Variants in MTAP observed in about 807,000 individuals in gnomAD.
MTAP encodes S-methyl-5'-thioadenosine phosphorylase.
In MTAP, 33 loss-of-function variants were observed where a neutral mutation model predicts 33.6. The ratio of observed to expected loss-of-function variants is 0.98; its 90% CI spans 0.74 to 1.31. MTAP has a LOEUF of 1.31. MTAP is among the 40% of genes most tolerant of loss of function. The pLI is 0.00. For synonymous variants in MTAP, 148 were observed against 125.7 expected (o/e 1.18, Z -1.19); for missense variants, 367 against 360.0 (o/e 1.02, Z -0.16).
Position 21,808,605 on chromosome 9 carries a change from A to C in MTAP, c.33+5824A>C, listed in dbSNP as rs533536210. On this transcript the variant is annotated intron_variant, in intron 1 of 7. Transcript: ENST00000644715. ...AGACTCTGTTTCCAAAAAAAAAAAA[A>C]ACACACACACACACACACAAACGTA... Among the ~76,000 whole-genome samples, 34 of 146,944 alleles carry C rather than the reference A, an allele frequency of 2.3e-4. No individual in the cohort carries two copies. The South Asian group carries it at 3.8e-3, about 17-fold the overall frequency.
chr9:21,866,637 A>G lies in MTAP; in HGVS notation c.*4623A>G, dbSNP rs1825858214. On this transcript the variant is annotated 3_prime_UTR_variant, in exon 8 of 8. Coordinates refer to ENST00000644715, the MANE Select transcript of MTAP (RefSeq NM_002451.4). ...ATGCCAGTACCCCACTGTCTTGATT[A>G]TTGTGGCTTTATGGTGTCTTGAAAT... 6.6e-6 allele frequency: 1 copy of G among 152,112 alleles called. No homozygotes were observed. Among genetic ancestry groups the G allele is most frequent in the Non-Finnish European group, 1.5e-5 (1 of 67,988 alleles). 9.4% of individuals were successfully genotyped at this position (152,112 alleles called of 1,614,324 possible).
At position 21,866,850 on chromosome 9, in the gene MTAP, T is replaced by A. The variant is rs1825861099; in HGVS notation, c.*4836T>A. ...TTTCAATCGATGGACATGGTATGTT[T>A]CTGCATTTATTTGGGCCTTTTAAAA... On this transcript the variant is annotated 3_prime_UTR_variant, in exon 8 of 8. Coordinates refer to ENST00000644715, the MANE Select transcript of MTAP (RefSeq NM_002451.4). The A allele has an allele frequency of 2.0e-5, 3 of 152,166 alleles. No homozygotes were observed. In the South Asian group the frequency reaches 6.2e-4, roughly 31 times the overall value. 9.4% of individuals were successfully genotyped at this position (152,166 alleles called of 1,614,324 possible).
rs140306124 is a variant in MTAP, at chr9:21,888,721, G to A, written c.147+33851G>A. On this transcript the variant is annotated intron_variant, in intron 1 of 1. Coordinates refer to the MTAP transcript ENST00000577563. The stretch of plus-strand genomic sequence containing the variant: ...GTTTATGTCAGTCCCTGTGTGTTAG[G>A]TGAGTCTCTTGAAGACTTATTTTCC... 1.5e-3 allele frequency among the ~76,000 whole-genome samples: 228 copies of A among 152,164 alleles called. 1 individual carries two copies. The highest frequency in any genetic ancestry group is 2.2e-3 in the Non-Finnish European group (149 of 67,998).
chr9:21,912,068 A>G (rs1317383215), intron 1 of MTAP, among the ~76,000 whole-genome samples: 1 of 152,206 alleles, frequency 6.6e-6, no homozygotes, highest in Non-Finnish European at 1.5e-5. Context: ...ACACCCTCCC[A>G]AGACTAAACC....
intron 1 of MTAP, among the ~76,000 whole-genome samples, chr9:21,804,330 A>G (rs943627572): frequency 6.6e-6 from 1 of 152,250 alleles, no homozygotes; most frequent in Admixed American, 6.5e-5. Context: ...GCCATTAAAA[A>G]TGGAGAAATG....
chr9:21,826,034 G>A (rs1414615018), intron 4 of MTAP, among the ~76,000 whole-genome samples: 1 of 151,830 alleles, frequency 6.6e-6, no homozygotes, highest in Non-Finnish European at 1.5e-5. Flanking sequence ...CGTATTTTGG[G>A]TATTAACCCC....
At chr9:21,939,008 C>T (rs914049643), downstream of MTAP, among the ~76,000 whole-genome samples, 2 of 152,172 alleles carry the variant, frequency 1.3e-5, no homozygotes. Context: ...TCCCAGAATT[C>T]CCACATGTTG....
At chr9:21,816,238 C>A (rs1024090066) in intron 2 of MTAP, among the ~76,000 whole-genome samples, 2 of 152,150 alleles carry the variant, frequency 1.3e-5, no homozygotes. Flanking sequence ...TTAAACCCCT[C>A]GGTTCTAAGG....
chr9:21,931,060 A>G, exon 2 of MTAP: 1 of 764,448 alleles, frequency 1.3e-6, no homozygotes, highest in African/African-American at 1.7e-5. Flanking sequence ...TTCAATATTC[A>G]AGAGTCACCC....
At chr9:21,816,936 T>C (rs1824490554) in intron 3 of MTAP, among the ~76,000 whole-genome samples, 164 bp downstream of exon 3, 1 of 152,230 alleles carries the variant, frequency 6.6e-6, no homozygotes, top group South Asian at 2.1e-4. Flanking sequence ...TTAAGTTATA[T>C]TGACTTAGGA....
chr9:21,835,397 G>A (rs761763362), intron 4 of MTAP, among the ~76,000 whole-genome samples: 30 of 152,202 alleles, frequency 2.0e-4, no homozygotes, highest in Non-Finnish European at 3.4e-4. Context: ...CGAATCCAGG[G>A]ACAAAACTAT....
intron 5 of MTAP, among the ~76,000 whole-genome samples, chr9:21,853,275 T>C (rs979035313): frequency 1.4e-4 from 21 of 152,170 alleles, no homozygotes; most frequent in African/African-American, 4.8e-4. Context: ...GGGAGTGGGC[T>C]TGTTATGTCT....
Position 21,853,941 on chromosome 9 carries a change from T to C in MTAP, c.451-690T>C, listed in dbSNP as rs117567097. Among the ~76,000 whole-genome samples the C allele has an allele frequency of 6.2e-3, 949 of 152,240 alleles. 22 individuals carry two copies. The highest frequency in any genetic ancestry group is 0.054 in the East Asian group (278 of 5,182). ...ATGAAGGTAATTAATAACTTGAAGA[T>C]TAGATGTGCAGTATTAAATAAAACA... On this transcript the variant is annotated intron_variant, in intron 5 of 7. Coordinates refer to ENST00000644715, the MANE Select transcript of MTAP (RefSeq NM_002451.4).
chr9:21,855,523 G>A lies in MTAP; in HGVS notation c.690+653G>A, dbSNP rs1825621264. Among the ~76,000 whole-genome samples, 4 of 152,288 alleles carry A rather than the reference G, an allele frequency of 2.6e-5. No individual in the cohort carries two copies. The South Asian group carries it at 8.3e-4, about 32-fold the overall frequency. ...TGGGCAAGAAGGGCATGATTGAGTAGAGTGGAAAGGAGGGAGACTGGGGAG... is the reference window on the plus strand; with the variant it reads ...TGGGCAAGAAGGGCATGATTGAGTAAAGTGGAAAGGAGGGAGACTGGGGAG... On this transcript the variant is annotated intron_variant, in intron 6 of 7. Transcript: ENST00000644715.
downstream of MTAP, among the ~76,000 whole-genome samples, chr9:21,938,076 C>A (rs1361706916): frequency 6.6e-6 from 1 of 152,120 alleles, no homozygotes; most frequent in African/African-American, 2.4e-5. Flanking sequence ...AGTTTGAGAC[C>A]AGTCTGGGCA....
rs1266102658 is a variant in MTAP, at chr9:21,863,854, A to G, written c.*1840A>G. On this transcript the variant is annotated 3_prime_UTR_variant, in exon 8 of 8. Coordinates refer to ENST00000644715, the MANE Select transcript of MTAP (RefSeq NM_002451.4). ...ATTGTAAACAAAACAGTTACCCTCC[A>G]GTATTAATATGACTCATTAGTGTGA... is the stretch of plus-strand genomic sequence containing the variant. The G allele has an allele frequency of 1.0e-6, 1 of 985,728 alleles. No individual in the cohort carries two copies. The highest frequency in any genetic ancestry group is 1.7e-5 in the African/African-American group (1 of 57,232). The allele number at this position is 985,728 out of a possible 1,614,324, so 61.1% of individuals were successfully genotyped here. A position where few individuals can be genotyped will look rare whatever the true frequency, so the allele number is the denominator to read the frequency against.
intron 1 of MTAP, among the ~76,000 whole-genome samples, chr9:21,916,288 A>G (rs1036592264): frequency 2.0e-5 from 3 of 152,134 alleles, no homozygotes; most frequent in African/African-American, 7.2e-5. Context: ...GGTGGACCCT[A>G]ATCTAATGAT....
At chr9:21,852,574 CAG>C (rs1825542480) in intron 5 of MTAP, among the ~76,000 whole-genome samples, 1 of 150,014 alleles carries the variant, frequency 6.7e-6, no homozygotes, top group Non-Finnish European at 1.5e-5. Context: ...AGAGGAGAAT[CAG>C]GGATAAAAGA....
chr9:21,876,793 A>G (rs1826016625), intron 1 of MTAP, among the ~76,000 whole-genome samples: 1 of 152,122 alleles, frequency 6.6e-6, no homozygotes, highest in Non-Finnish European at 1.5e-5. Flanking sequence ...GAAGTTGGGC[A>G]ACGTGATGCC....
Sources: allele counts gnomAD v4.1 joint callset (sites outside exome capture counted in the v4.1 genomes callset), GRCh38; gene constraint gnomAD v4.1.1; transcripts MANE v1.5; gene names NCBI Gene and HGNC (gene_info 2026-07-23, HGNC 2026-07-21).